SLC35F1: variants seen among roughly 807,000 people sequenced by gnomAD.
The protein encoded by SLC35F1 is solute carrier family 35 member F1.
Under a neutral mutation model 48.7 loss-of-function variants are expected in SLC35F1, and 14 were observed. The ratio of observed to expected loss-of-function variants is 0.29; its 90% CI spans 0.19 to 0.45. The LOEUF (loss-of-function observed/expected upper bound fraction) is 0.45. Among genes scored for constraint, SLC35F1 ranks in the 20% least tolerant of loss-of-function variants. The pLI is 1.00. For missense variants in SLC35F1, 404 were observed against 500.0 expected, an observed-to-expected ratio of 0.81 and a Z score of 1.83; for synonymous variants, 190 against 202.2, an observed-to-expected ratio of 0.94 and a Z score of 0.51.
chr6:118,289,199 G>C (rs553739313), intron 7 of SLC35F1, among the ~76,000 whole-genome samples: 3 of 152,314 alleles, frequency 2.0e-5, no homozygotes, highest in African/African-American at 7.2e-5. Flanking sequence ...TTATCATTCA[G>C]AAGTTGTCCA....
intron 3 of SLC35F1, among the ~76,000 whole-genome samples, chr6:118,264,350 A>G (rs554781777): frequency 1.2e-4 from 18 of 152,336 alleles, no homozygotes; most frequent in Non-Finnish European, 2.1e-4. Context: ...GCCCCATTGT[A>G]TGATAAGCAC....
chr6:118,195,441 A>G (rs971254073), intron 2 of SLC35F1, among the ~76,000 whole-genome samples: 1 of 152,156 alleles, frequency 6.6e-6, no homozygotes, highest in Non-Finnish European at 1.5e-5. Context: ...TCAGCAATTC[A>G]GGATCCCATT....
intron 1 of SLC35F1, among the ~76,000 whole-genome samples, chr6:117,950,661 A>G (rs1379372285): frequency 1.3e-5 from 2 of 152,228 alleles, no homozygotes; most frequent in African/African-American, 4.8e-5. Flanking sequence ...ATAGCCACAG[A>G]TTAAAGTAAA....
At chr6:117,922,861 T>TATGACC (rs1397286762) in intron 1 of SLC35F1, among the ~76,000 whole-genome samples, 3 of 152,196 alleles carry the variant, frequency 2.0e-5, no homozygotes, top group African/African-American at 7.2e-5. Context: ...GCAGCCACTT[T>TATGACC]ATGACCATGA....
At chr6:118,162,877 TAG>T (rs1190020048) in intron 2 of SLC35F1, among the ~76,000 whole-genome samples, 2 of 152,110 alleles carry the variant, frequency 1.3e-5, no homozygotes, top group African/African-American at 4.8e-5. Context: ...CTGCACCAAA[TAG>T]AGTCTCCCAC....
intron 1 of SLC35F1, among the ~76,000 whole-genome samples, chr6:117,966,792 C>A (rs1776576953): frequency 6.6e-6 from 1 of 152,128 alleles, no homozygotes; most frequent in Non-Finnish European, 1.5e-5. Context: ...TGGATTATGG[C>A]CACTCTAAAG....
At chr6:118,303,078 A>AT (rs201474989) in intron 7 of SLC35F1, among the ~76,000 whole-genome samples, 1 of 151,904 alleles carries the variant, frequency 6.6e-6, no homozygotes, top group African/African-American at 2.4e-5. Flanking sequence ...TACTTATTTC[A>AT]TTTTTTTGTC....
At chr6:117,944,592 TACACAC>T (rs60520269) in intron 1 of SLC35F1, among the ~76,000 whole-genome samples, 7 of 135,900 alleles carry the variant, frequency 5.2e-5, no homozygotes, top group Admixed American at 3.6e-4. Context: ...CACATACACA[TACACAC>T]ACACACACAC....
chr6:118,042,048 G>C (rs1772229997), intron 1 of SLC35F1, among the ~76,000 whole-genome samples: 1 of 151,814 alleles, frequency 6.6e-6, no homozygotes, highest in South Asian at 2.1e-4. Flanking sequence ...TGAACTCTTA[G>C]CCCATTTTAA....
At chr6:117,928,693 G>A (rs1265459879) in intron 1 of SLC35F1, among the ~76,000 whole-genome samples, 1 of 152,106 alleles carries the variant, frequency 6.6e-6, no homozygotes, top group Admixed American at 6.6e-5. Flanking sequence ...TCCAGACGTA[G>A]GTCTTTGATG....
intron 2 of SLC35F1, among the ~76,000 whole-genome samples, chr6:118,223,785 T>G (rs1055218120): frequency 2.0e-5 from 3 of 152,226 alleles, no homozygotes; most frequent in Non-Finnish European, 4.4e-5. Context: ...CCATGACAGA[T>G]GCTCTCATGT....
intron 1 of SLC35F1, among the ~76,000 whole-genome samples, chr6:117,943,658 G>T (rs1249373948): frequency 6.6e-6 from 1 of 152,128 alleles, no homozygotes; most frequent in Admixed American, 6.6e-5. Flanking sequence ...TTTTATGAAG[G>T]AGGTCTTTTC....
chr6:118,307,904 TC>T (rs760810991), intron 7 of SLC35F1, among the ~76,000 whole-genome samples: 29 of 152,190 alleles, frequency 1.9e-4, no homozygotes, highest in Admixed American at 1.4e-3. Flanking sequence ...GGTATGATCC[TC>T]AGCCCTCTGA....
chr6:117,907,701 G>A lies in SLC35F1; in HGVS notation c.-26G>A, dbSNP rs1396104249. The A allele has an allele frequency of 6.3e-6, 9 of 1,425,764 alleles. No individual in the cohort carries two copies. The highest frequency in any genetic ancestry group is 2.8e-5 in the East Asian group (1 of 36,048). The allele number at this position is 1,425,764 out of a possible 1,614,324, so 88.3% of individuals were successfully genotyped here. A position where few individuals can be genotyped will look rare whatever the true frequency, so the allele number is the denominator to read the frequency against. On this transcript the variant is annotated 5_prime_UTR_variant, in exon 1 of 8. Transcript: ENST00000360388. Reference sequence around the variant, plus strand: ...CGATGCACCCGGCTGCGTTCTGATCGCCGCCGCGCCTCAGCCTCTGCCGCG... The same window carrying A: ...CGATGCACCCGGCTGCGTTCTGATCACCGCCGCGCCTCAGCCTCTGCCGCG...
At chr6:118,243,249 T>C (rs1249792185) in intron 3 of SLC35F1, among the ~76,000 whole-genome samples, 1 of 152,184 alleles carries the variant, frequency 6.6e-6, no homozygotes, top group African/African-American at 2.4e-5. Context: ...TGTTTATACT[T>C]TTTCATATGT....
intron 1 of SLC35F1, among the ~76,000 whole-genome samples, chr6:118,088,307 T>A (rs1343170677): frequency 3.3e-5 from 5 of 152,194 alleles, no homozygotes; most frequent in East Asian, 3.9e-4. Flanking sequence ...GAGGCTACAA[T>A]TTGTAAGTAT....
At chr6:118,159,072 T>G (rs996453720) in intron 2 of SLC35F1, among the ~76,000 whole-genome samples, 5 of 151,608 alleles carry the variant, frequency 3.3e-5, no homozygotes, top group African/African-American at 9.7e-5. Context: ...TACAAAAAAA[T>G]TAGCTGGGCG....
chr6:117,932,658 A>C (rs946152406), intron 1 of SLC35F1, among the ~76,000 whole-genome samples: 4 of 152,224 alleles, frequency 2.6e-5, no homozygotes, highest in African/African-American at 9.6e-5. Flanking sequence ...TAGTGTAATT[A>C]GCATTGTCTG....
chr6:117,916,361 G>T (rs1474826854), intron 1 of SLC35F1, among the ~76,000 whole-genome samples: 2 of 152,024 alleles, frequency 1.3e-5, no homozygotes, highest in African/African-American at 4.8e-5. Flanking sequence ...GGTATTTTAT[G>T]ACAGAATGTT....
Sources: gnomAD v4.1 joint callset for allele counts (sites outside exome capture counted in the v4.1 genomes callset) on GRCh38, gnomAD v4.1.1 for gene constraint, MANE v1.5 for transcripts, NCBI Gene and HGNC (gene_info 2026-07-23, HGNC 2026-07-21) for gene names.